SLC25A24: variants seen among roughly 807,000 people sequenced by gnomAD.
SLC25A24 encodes the protein mitochondrial adenyl nucleotide antiporter SLC25A24.
In SLC25A24, 49 loss-of-function variants were observed where a neutral mutation model predicts 60.7. The observed-to-expected ratio is 0.81, with a 90% CI of 0.64 to 1.02. The LOEUF is 1.02. Among genes scored for constraint, SLC25A24 ranks in the 50% least tolerant of loss-of-function variants. SLC25A24 has a pLI of 0.00. For missense variants in SLC25A24, 564 were observed against 586.3 expected (o/e 0.96, Z 0.39); for synonymous variants, 202 against 200.6 (o/e 1.01, Z -0.06).
intron 7 of SLC25A24, among the ~76,000 whole-genome samples, chr1:108,144,090 T>C (rs1206971979): frequency 6.6e-6 from 1 of 152,142 alleles, no homozygotes; most frequent in Non-Finnish European, 1.5e-5. Context: ...GGGAAGGTGA[T>C]ACTATTAACT....
At chr1:108,189,235 G>T (rs1233718391) in intron 1 of SLC25A24, among the ~76,000 whole-genome samples, 1 of 152,140 alleles carries the variant, frequency 6.6e-6, no homozygotes, top group Admixed American at 6.5e-5. Context: ...TGCCTAATGA[G>T]TCTGACTTAA....
At chr1:108,164,361 G>T (rs1680181987) in intron 3 of SLC25A24, among the ~76,000 whole-genome samples, 1 of 149,546 alleles carries the variant, frequency 6.7e-6, no homozygotes, top group South Asian at 2.1e-4. Context: ...AGTTTCAGAA[G>T]GAATGGTACC....
chr1:108,171,470 A>G (rs1647458260), intron 3 of SLC25A24, among the ~76,000 whole-genome samples: 1 of 152,156 alleles, frequency 6.6e-6, no homozygotes, highest in African/African-American at 2.4e-5. Context: ...GTGGCCCACT[A>G]TGGTCTAGAG....
intron 3 of SLC25A24, among the ~76,000 whole-genome samples, chr1:108,163,634 T>C (rs1448272845): frequency 1.3e-5 from 2 of 151,992 alleles, no homozygotes; most frequent in African/African-American, 2.4e-5. Context: ...TTTTTGTACA[T>C]TGATTTTGTA....
At chr1:108,194,152 A>AC (rs1157537904) in intron 1 of SLC25A24, among the ~76,000 whole-genome samples, 1 of 138,932 alleles carries the variant, frequency 7.2e-6, no homozygotes, top group Non-Finnish European at 1.6e-5. Context: ...GGGGACAAAA[A>AC]CAGACCATCA....
chr1:108,160,757 G>C (rs141119304), intron 4 of SLC25A24, among the ~76,000 whole-genome samples: 4 of 152,228 alleles, frequency 2.6e-5, no homozygotes, highest in Non-Finnish European at 4.4e-5. Context: ...AGACCAGCCC[G>C]GCCAACATAG....
chr1:108,193,272 G>C lies in SLC25A24; in HGVS notation c.183+6684C>G, dbSNP rs773475287. On this transcript the variant is annotated intron_variant, in intron 1 of 9. Coordinates refer to ENST00000565488, the MANE Select transcript of SLC25A24 (RefSeq NM_013386.5). ...GATACTGGGGTTTGAGCTCCTAATC[G>C]TGCCATCACCCAGGTTGTGAACAAA... Among the ~76,000 whole-genome samples, 16 of 137,686 alleles carry C rather than the reference G, an allele frequency of 1.2e-4. 2 individuals carry two copies. The highest frequency in any genetic ancestry group is 2.2e-4 in the Non-Finnish European group (14 of 63,170). 90.3% of individuals were successfully genotyped at this position (137,686 alleles called of 152,430 possible). A position where few individuals can be genotyped will look rare whatever the true frequency, so the allele number is the denominator to read the frequency against.
At chr1:108,167,041 T>C (rs899795113) in intron 3 of SLC25A24, among the ~76,000 whole-genome samples, 7 of 146,012 alleles carry the variant, frequency 4.8e-5, no homozygotes, top group African/African-American at 1.6e-4. Context: ...TCTGTTGGAG[T>C]AACCGGCTGT....
intron 2 of SLC25A24, among the ~76,000 whole-genome samples, chr1:108,183,873 A>G (rs2101639535): frequency 1.3e-5 from 2 of 152,308 alleles, no homozygotes; most frequent in African/African-American, 4.8e-5. Flanking sequence ...GAGCAACTCA[A>G]GTTTTTCACT....
At chr1:108,177,363 T>A (rs1647712497) in intron 3 of SLC25A24, among the ~76,000 whole-genome samples, 2 of 151,890 alleles carry the variant, frequency 1.3e-5, no homozygotes, top group East Asian at 3.9e-4. Flanking sequence ...AAAGGATCTA[T>A]AAAAGAACCA....
Position 108,181,732 on chromosome 1 carries a change from G to C in SLC25A24, c.398+209C>G, listed in dbSNP as rs1647936420. ...TCCACTATCCTTTGAGGCCTTGAAAGAAAGAGTCCAGTCTGAGCTTACACT... is the reference window on the plus strand; with the variant it reads ...TCCACTATCCTTTGAGGCCTTGAAACAAAGAGTCCAGTCTGAGCTTACACT... On this transcript the variant is annotated intron_variant, in intron 3 of 9. Coordinates refer to ENST00000565488, the MANE Select transcript of SLC25A24 (RefSeq NM_013386.5). 2.0e-5 allele frequency among the ~76,000 whole-genome samples: 3 copies of C among 152,182 alleles called. No individual in the cohort carries two copies. The South Asian group carries it at 6.2e-4, about 31-fold the overall frequency.
intron 8 of SLC25A24, among the ~76,000 whole-genome samples, chr1:108,140,839 C>G (rs1358336236): frequency 2.1e-5 from 3 of 143,824 alleles, no homozygotes; most frequent in African/African-American, 7.6e-5. Context: ...AAAAAATCAA[C>G]AAAACACAGA....
chr1:108,184,433 C>T (rs1211807723), intron 2 of SLC25A24, among the ~76,000 whole-genome samples: 1 of 152,228 alleles, frequency 6.6e-6, no homozygotes, highest in Non-Finnish European at 1.5e-5. Context: ...TATTGTAAGG[C>T]TTATGGGCAA....
At chr1:108,185,253 A>C (rs1478888961) in intron 2 of SLC25A24, among the ~76,000 whole-genome samples, 1 of 152,238 alleles carries the variant, frequency 6.6e-6, no homozygotes, top group Non-Finnish European at 1.5e-5. Flanking sequence ...CAGAAAACAG[A>C]TTAAGACAAA....
chr1:108,160,417 C>T (rs1389610616), intron 4 of SLC25A24, among the ~76,000 whole-genome samples: 3 of 148,766 alleles, frequency 2.0e-5, no homozygotes, highest in Admixed American at 2.0e-4. Flanking sequence ...GAGACGCTCA[C>T]TTCCTAGACA....
chr1:108,153,791 C>T (rs973225937), intron 6 of SLC25A24, among the ~76,000 whole-genome samples: 2 of 152,180 alleles, frequency 1.3e-5, no homozygotes, highest in African/African-American at 4.8e-5. Context: ...AAGAATCTGA[C>T]AAATGGCATA....
chr1:108,147,604 G>T (rs1679639154), intron 7 of SLC25A24, among the ~76,000 whole-genome samples: 1 of 152,128 alleles, frequency 6.6e-6, no homozygotes, highest in African/African-American at 2.4e-5. Flanking sequence ...ACAGTCCGTA[G>T]GTCTGTGTTT....
intron 6 of SLC25A24, among the ~76,000 whole-genome samples, chr1:108,153,832 C>G (rs1235545060): frequency 6.6e-6 from 1 of 152,024 alleles, no homozygotes; most frequent in African/African-American, 2.4e-5. Flanking sequence ...CTTGCAATAC[C>G]CATGGACTTT....
At chr1:108,174,471 T>G (rs915835520) in intron 3 of SLC25A24, among the ~76,000 whole-genome samples, 1 of 152,216 alleles carries the variant, frequency 6.6e-6, no homozygotes, top group Non-Finnish European at 1.5e-5. Context: ...AGAAGTTTGC[T>G]GCAGGGGTGG....
Sources: allele counts gnomAD v4.1 joint callset (sites outside exome capture counted in the v4.1 genomes callset), GRCh38; gene constraint gnomAD v4.1.1; transcripts MANE v1.5; gene names NCBI Gene and HGNC (gene_info 2026-07-23, HGNC 2026-07-21).